GRIA3: variants seen among roughly 807,000 people sequenced by gnomAD.
GRIA3 encodes the protein glutamate receptor 3.
GRIA3 carries 3 observed loss-of-function variants against 63.0 expected under a neutral mutation model. That is an observed-to-expected ratio of 0.05 (90% CI 0.02 to 0.12). The LOEUF is 0.12. Ranked by LOEUF, GRIA3 falls within the 10% of genes least tolerant of loss-of-function variation. The pLI is 1.00. For synonymous variants in GRIA3, 274 were observed against 257.9 expected (o/e 1.06, Z -0.60); for missense variants, 347 against 700.9 (o/e 0.50, Z 5.70).
At chrX:123,445,633 T>G (rs138102692) in intron 12 of GRIA3, among the ~76,000 whole-genome samples, 7 of 112,519 alleles carry the variant, frequency 6.2e-5, no homozygotes, top group African/African-American at 2.3e-4. Flanking sequence ...CCAAAATCTT[T>G]GACTATACAA....
At chrX:123,192,169 G>A (rs1044485672) in intron 2 of GRIA3, among the ~76,000 whole-genome samples, 13 of 111,506 alleles carry the variant, frequency 1.2e-4, no homozygotes, top group Non-Finnish European at 2.4e-4. Context: ...GGAAGCTGCA[G>A]GTTCAACTTC....
intron 11 of GRIA3, among the ~76,000 whole-genome samples, chrX:123,423,071 T>G (rs2045571216): frequency 1.8e-5 from 2 of 111,799 alleles, no homozygotes; most frequent in Admixed American, 1.9e-4. Context: ...AGACAAATGC[T>G]CCCCCTGCTG....
intron 3 of GRIA3, among the ~76,000 whole-genome samples, chrX:123,298,908 T>A (rs183628765): frequency 9.8e-4 from 109 of 110,777 alleles, no homozygotes; most frequent in African/African-American, 3.2e-3. Context: ...TAATTTTTTT[T>A]ATGGTGTAAG....
chrX:123,427,905 C>T (rs771694574), intron 11 of GRIA3, 36 bp from the exon 12 acceptor site: 3 of 1,026,467 alleles, frequency 2.9e-6, no homozygotes, highest in African/African-American at 3.7e-5. Flanking sequence ...GATCTGGCCC[C>T]TCTGGGTCTG....
rs746180060 is a variant in GRIA3, at chrX:123,475,726, A to G, written c.2325-4337A>G. On this transcript the variant is annotated intron_variant, in intron 13 of 15. Transcript: ENST00000620443. ...ACTGGAGACATTGCTGCACCACAGT[A>G]AAAGGCCCCAGCTGCAAAATACACC... is the stretch of plus-strand genomic sequence containing the variant. 2.7e-5 allele frequency among the ~76,000 whole-genome samples: 3 copies of G among 112,360 alleles called. No homozygotes were observed. In the South Asian group the frequency reaches 1.1e-3, roughly 42 times the overall value.
chrX:123,260,421 ACAGACAG>A (rs1403769324), intron 3 of GRIA3, among the ~76,000 whole-genome samples: 1 of 8,223 alleles, frequency 1.2e-4, no homozygotes, highest in African/African-American at 3.6e-4. Flanking sequence ...AGACAGACAG[ACAGACAG>A]AAAGAAAGAA....
chrX:123,293,564 C>A (rs1045264301), intron 3 of GRIA3, among the ~76,000 whole-genome samples: 3 of 109,252 alleles, frequency 2.7e-5, no homozygotes, highest in Non-Finnish European at 3.8e-5. Context: ...CATTAGAATT[C>A]ATGGGTGGGG....
At chrX:123,430,124 CA>C (rs1489111204) in intron 12 of GRIA3, among the ~76,000 whole-genome samples, 1 of 111,990 alleles carries the variant, frequency 8.9e-6, no homozygotes, top group African/African-American at 3.3e-5. Flanking sequence ...ATCATATTAC[CA>C]GAGCTGATTT....
At chrX:123,409,997 C>T (rs1375703491) in intron 10 of GRIA3, among the ~76,000 whole-genome samples, 2 of 111,697 alleles carry the variant, frequency 1.8e-5, no homozygotes, top group Admixed American at 1.9e-4. Flanking sequence ...ACAGCATCCC[C>T]ACCTGGCTCT....
chrX:123,220,643 C>T (rs900670851), intron 2 of GRIA3, among the ~76,000 whole-genome samples: 56 of 111,941 alleles, frequency 5.0e-4, no homozygotes, highest in Non-Finnish European at 1.3e-4. Flanking sequence ...GCAGAAAGAG[C>T]CCCATGTCTG....
In GRIA3 at chrX:123,348,036, C is replaced by T. The variant is rs1017869291; in HGVS notation, c.697-6874C>T. ...TTGAGTAACTACTCAGCCATATACC[C>T]GATGGTGCCATTCCTTAAAAAATAA... On this transcript the variant is annotated intron_variant, in intron 4 of 15. Coordinates refer to ENST00000620443, the MANE Select transcript of GRIA3 (RefSeq NM_007325.5). 7.2e-5 allele frequency among the ~76,000 whole-genome samples: 8 copies of T among 111,346 alleles called. No homozygotes were observed. In the South Asian group the frequency reaches 2.7e-3, roughly 37 times the overall value.
intron 3 of GRIA3, among the ~76,000 whole-genome samples, chrX:123,322,704 G>A (rs2044876065): frequency 9.0e-6 from 1 of 111,433 alleles, no homozygotes; most frequent in Non-Finnish European, 1.9e-5. Context: ...GAGCTGAGGT[G>A]ACCATTCCCC....
Position 123,430,794 on chromosome X carries a change from T to A in GRIA3, c.2076+2655T>A, listed in dbSNP as rs186440240. ...GCTCAGGAGATTGAGACCAGCCTGGTCAACACGGTAAAACCCTGTCTCTAC... is the reference window on the plus strand; with the variant it reads ...GCTCAGGAGATTGAGACCAGCCTGGACAACACGGTAAAACCCTGTCTCTAC... On this transcript the variant is annotated intron_variant, in intron 12 of 15. Coordinates refer to ENST00000620443, the MANE Select transcript of GRIA3 (RefSeq NM_007325.5). 4.3e-4 allele frequency among the ~76,000 whole-genome samples: 47 copies of A among 110,290 alleles called. No homozygotes were observed. The Admixed American group carries it at 4.4e-3, about 10-fold the overall frequency.
intron 3 of GRIA3, among the ~76,000 whole-genome samples, chrX:123,302,005 C>T (rs2044726224): frequency 8.9e-6 from 1 of 111,987 alleles, no homozygotes; most frequent in South Asian, 3.7e-4. Flanking sequence ...TGGATAACTT[C>T]GTGACCAGAC....
intron 13 of GRIA3, among the ~76,000 whole-genome samples, chrX:123,471,777 G>A (rs764525509): frequency 9.4e-6 from 1 of 106,245 alleles, no homozygotes; most frequent in South Asian, 4.3e-4. Flanking sequence ...GTGGAACAGG[G>A]TGGGGGCAAA....
intron 3 of GRIA3, among the ~76,000 whole-genome samples, chrX:123,323,720 T>C (rs771744648): frequency 7.2e-5 from 8 of 111,465 alleles, no homozygotes; most frequent in Admixed American, 9.6e-5. Context: ...GGGACTGGAA[T>C]GGGGTGAGGG....
intron 5 of GRIA3, among the ~76,000 whole-genome samples, chrX:123,379,565 T>G (rs1456503006): frequency 9.2e-6 from 1 of 108,558 alleles, no homozygotes; most frequent in Non-Finnish European, 1.9e-5. Context: ...AACTCAGGCC[T>G]CAATTCACAA....
At chrX:123,231,357 C>T (rs932154098) in intron 2 of GRIA3, among the ~76,000 whole-genome samples, 6 of 110,797 alleles carry the variant, frequency 5.4e-5, no homozygotes, top group African/African-American at 1.6e-4. Flanking sequence ...CACCTATGGC[C>T]GCACATCTAG....
chrX:123,185,199 G>C (rs1009751509), intron 1 of GRIA3, among the ~76,000 whole-genome samples: 3 of 111,781 alleles, frequency 2.7e-5, no homozygotes, highest in Non-Finnish European at 3.8e-5. Context: ...GGTAGGAGGC[G>C]GGGGTGAGAC....
Sources: gnomAD v4.1 joint callset for allele counts (sites outside exome capture counted in the v4.1 genomes callset) on GRCh38, gnomAD v4.1.1 for gene constraint, MANE v1.5 for transcripts, NCBI Gene and HGNC (gene_info 2026-07-23, HGNC 2026-07-21) for gene names.